Variants in POTEJ observed in about 807,000 individuals in gnomAD.
The protein encoded by POTEJ is POTE ankyrin domain family, member J.
A neutral mutation model predicts 69.0 loss-of-function variants in POTEJ; 11 were observed. That is an observed-to-expected ratio of 0.16 (90% CI 0.10 to 0.26). POTEJ has a LOEUF of 0.26. Ranked by LOEUF, POTEJ falls within the 10% of genes least tolerant of loss-of-function variation. POTEJ has a pLI of 1.00. For missense variants in POTEJ, 327 were observed against 1,045.5 expected, an observed-to-expected ratio of 0.31 and a Z score of 9.48; for synonymous variants, 117 against 381.1, an observed-to-expected ratio of 0.31 and a Z score of 8.07.
In POTEJ at chr2:130,656,559, G is replaced by A. The variant is rs1215723789; in HGVS notation, c.1799G>A (p.Ser600Asn). 8 of 1,609,114 alleles carry A rather than the reference G, an allele frequency of 5.0e-6. No homozygotes were observed. Among genetic ancestry groups the A allele is most frequent in the Non-Finnish European group, 6.8e-6 (8 of 1,179,774 alleles). The change falls in exon 15 of 15, where the codon AGT (serine) becomes AAT (asparagine). Residue 600 changes from serine to asparagine, a missense_variant. Ser to Asn is a conservative substitution (Grantham distance 46, BLOSUM62 1). Coordinates refer to ENST00000409602, the MANE Select transcript of POTEJ (RefSeq NM_001277083.2). The part of the protein sequence containing the change: ...VEKMNSELSL[S>N]CKKERDFLHE... Reference sequence around the variant, plus strand: ...TCTTTGTTTACTTAGCTTTCTCTTAGTTGTAAGAAAGAAAGAGACTTCTTG... The same window carrying A: ...TCTTTGTTTACTTAGCTTTCTCTTAATTGTAAGAAAGAAAGAGACTTCTTG...
chr2:130,611,769 C>G lies in POTEJ; in HGVS notation c.237C>G (p.Asn79Lys), dbSNP rs1299268735. The G allele has an allele frequency of 2.5e-5, 37 of 1,483,272 alleles. No individual in the cohort carries two copies. Among genetic ancestry groups the G allele is most frequent in the Non-Finnish European group, 3.5e-5 (37 of 1,069,308 alleles). 91.9% of individuals were successfully genotyped at this position (1,483,272 alleles called of 1,614,324 possible). ...GCTGCAGGGGGAGCGGCAAGAGCAACGTGGGTGCTTGGGGAGACTACGACG... is the reference window on the plus strand; with the variant it reads ...GCTGCAGGGGGAGCGGCAAGAGCAAGGTGGGTGCTTGGGGAGACTACGACG... ...FPCCRGSGKS[N>K]VGAWGDYDDS... Residue 79 changes from asparagine (N) to lysine (K), a missense_variant, in exon 1 of 15, where the codon AAC (asparagine) becomes AAG (lysine). Asn to Lys is a moderately conservative substitution (Grantham distance 94, BLOSUM62 0). Coordinates refer to ENST00000409602, the MANE Select transcript of POTEJ (RefSeq NM_001277083.2).
rs866536755 is a variant in POTEJ at position 130,614,938 on chromosome 2, T to G, written c.411-1852T>G. 4.8e-3 allele frequency among the ~76,000 whole-genome samples: 113 copies of G among 23,694 alleles called. 2 individuals carry two copies. The highest frequency in any genetic ancestry group is 5.8e-3 in the South Asian group (5 of 862). The allele number at this position is 23,694 out of a possible 152,430, so 15.5% of individuals were successfully genotyped here. On this transcript the variant is annotated intron_variant, in intron 1 of 14. Coordinates refer to ENST00000409602, the MANE Select transcript of POTEJ (RefSeq NM_001277083.2). ...TTTTCATTATATATAGATTAACATG[T>G]AAAAAGTATGAATTAATCATTTTAG...
upstream of POTEJ, among the ~76,000 whole-genome samples, chr2:130,611,305 G>C (rs550589849): frequency 7.0e-6 from 1 of 142,118 alleles, no homozygotes; most frequent in Non-Finnish European, 1.5e-5. Context: ...TTCTTGGGGG[G>C]GGGGGGGTTG....
chr2:130,627,948 CTTCT>C (rs1685772071), intron 6 of POTEJ, among the ~76,000 whole-genome samples: 1 of 140,860 alleles, frequency 7.1e-6, no homozygotes, highest in Non-Finnish European at 1.5e-5. Context: ...ATTTCTCTGA[CTTCT>C]TATAGAATTG....
At chr2:130,618,919 TA>T (rs1457970631) in intron 3 of POTEJ, among the ~76,000 whole-genome samples, 10 of 134,352 alleles carry the variant, frequency 7.4e-5, no homozygotes, top group Non-Finnish European at 9.3e-5. Context: ...TATTTTATTT[TA>T]TTTTTTTTAT....
At chr2:130,629,659 G>A (rs1685836006) in intron 6 of POTEJ, among the ~76,000 whole-genome samples, 1 of 149,540 alleles carries the variant, frequency 6.7e-6, no homozygotes, top group Admixed American at 6.7e-5. Context: ...AGGAAGTGGA[G>A]AACAACATAC....
At chr2:130,648,322 T>C (rs1293530739) in intron 13 of POTEJ, among the ~76,000 whole-genome samples, 1 of 145,286 alleles carries the variant, frequency 6.9e-6, no homozygotes, top group Non-Finnish European at 1.5e-5. Context: ...TATGTAAAAT[T>C]TGGAAGCTAC....
chr2:130,615,366 T>C (rs1438982861), intron 1 of POTEJ, among the ~76,000 whole-genome samples: 1 of 106,380 alleles, frequency 9.4e-6, no homozygotes, highest in Non-Finnish European at 1.9e-5. Context: ...AAGACTGTTT[T>C]AGTTGTTTTA....
At chr2:130,623,095 T>C (rs2105206939) in intron 5 of POTEJ, among the ~76,000 whole-genome samples, 1 of 139,332 alleles carries the variant, frequency 7.2e-6, no homozygotes, top group African/African-American at 3.0e-5. Context: ...GACTTAGACC[T>C]GAATAACATG....
chr2:130,613,275 CATATGTATATATACATATATATACATAT>C (rs1558915480), intron 1 of POTEJ, among the ~76,000 whole-genome samples: 9 of 54,092 alleles, frequency 1.7e-4, no homozygotes, highest in African/African-American at 4.7e-4. Flanking sequence ...CATATATATA[CATATGTATATATACATATATATACATAT>C]GTATATATAC....
rs1438805836 is a variant in POTEJ at position 130,624,004 on chromosome 2, G to C, written c.945-60G>C. 9 of 1,485,460 alleles carry C rather than the reference G, an allele frequency of 6.1e-6. 2 individuals carry two copies. In the South Asian group the frequency reaches 9.4e-5, roughly 15 times the overall value. 92.0% of individuals were successfully genotyped at this position (1,485,460 alleles called of 1,614,324 possible). A position where few individuals can be genotyped will look rare whatever the true frequency, so the allele number is the denominator to read the frequency against. On this transcript the variant is annotated intron_variant, in intron 5 of 14. Coordinates refer to ENST00000409602, the MANE Select transcript of POTEJ (RefSeq NM_001277083.2). ...AAATACTCTTAATAATTCTGCATTT[G>C]GTAAGATTTTTATATCAGTATTAAA...
At chr2:130,641,434 T>C (rs550811124) in intron 10 of POTEJ, among the ~76,000 whole-genome samples, 2 of 148,676 alleles carry the variant, frequency 1.3e-5, no homozygotes, top group South Asian at 4.2e-4. Flanking sequence ...AGAAATAACA[T>C]TAATAGTTGG....
intron 13 of POTEJ, among the ~76,000 whole-genome samples, chr2:130,647,394 G>A (rs1435981994): frequency 1.3e-5 from 2 of 151,064 alleles, no homozygotes; most frequent in African/African-American, 2.5e-5. Flanking sequence ...CCAAGGGATT[G>A]TACATGGGGA....
intron 10 of POTEJ, among the ~76,000 whole-genome samples, chr2:130,642,218 G>A: frequency 7.4e-6 from 1 of 135,712 alleles, no homozygotes; most frequent in Non-Finnish European, 1.6e-5. Flanking sequence ...TTTTGTATGG[G>A]ATAGTATTTA....
chr2:130,639,010 C>T (rs1346865486), intron 10 of POTEJ, among the ~76,000 whole-genome samples: 1 of 152,268 alleles, frequency 6.6e-6, no homozygotes, highest in African/African-American at 2.4e-5. Context: ...AGGAAGCACA[C>T]AACCTAGATC....
intron 9 of POTEJ, among the ~76,000 whole-genome samples, chr2:130,634,025 C>T (rs1420919387): frequency 2.0e-5 from 3 of 150,932 alleles, no homozygotes; most frequent in African/African-American, 7.4e-5. Flanking sequence ...GATCCTCCCA[C>T]CTCAGCCTCT....
At chr2:130,641,769 A>G (rs1246703865) in intron 10 of POTEJ, among the ~76,000 whole-genome samples, 2 of 152,148 alleles carry the variant, frequency 1.3e-5, no homozygotes, top group African/African-American at 4.8e-5. Context: ...AGGTCATTGG[A>G]TAATCAGCAT....
chr2:130,641,483 G>A (rs201754381), intron 10 of POTEJ, among the ~76,000 whole-genome samples: 8,200 of 69,344 alleles, frequency 0.12, 14 homozygotes, highest in Middle Eastern at 0.34. Flanking sequence ...GTAAATGTTT[G>A]TGTTCCCAGT....
At chr2:130,629,055 T>C (rs1395947674) in intron 6 of POTEJ, among the ~76,000 whole-genome samples, 1 of 152,204 alleles carries the variant, frequency 6.6e-6, no homozygotes, top group Non-Finnish European at 1.5e-5. Flanking sequence ...AATAAATATG[T>C]CCGAATCGTG....
Sources: allele counts gnomAD v4.1 joint callset (sites outside exome capture counted in the v4.1 genomes callset), GRCh38; gene constraint gnomAD v4.1.1; transcripts MANE v1.5; gene names NCBI Gene and HGNC (gene_info 2026-07-23, HGNC 2026-07-21).